ADCY2: variants seen among roughly 807,000 people sequenced by gnomAD.
The protein encoded by ADCY2 is adenylate cyclase 2.
Under a neutral mutation model 125.2 loss-of-function variants are expected in ADCY2, and 31 were observed. The observed-to-expected ratio is 0.25, with a 90% CI of 0.19 to 0.33. The LOEUF is 0.33. Ranked by LOEUF, ADCY2 falls within the 10% of genes least tolerant of loss-of-function variation. The pLI is 1.00. For synonymous variants in ADCY2, 512 were observed against 548.4 expected (o/e 0.93, Z 0.93); for missense variants, 904 against 1,418.2 (o/e 0.64, Z 5.82).
intron 19 of ADCY2, among the ~76,000 whole-genome samples, chr5:7,788,794 G>A (rs1744162834): frequency 6.6e-6 from 1 of 152,080 alleles, no homozygotes; most frequent in South Asian, 2.1e-4. Context: ...GCTCTTCTTT[G>A]CATTTATTTG....
intron 4 of ADCY2, among the ~76,000 whole-genome samples, chr5:7,649,815 G>A (rs1739024408): frequency 6.6e-6 from 1 of 152,040 alleles, no homozygotes; most frequent in African/African-American, 2.4e-5. Flanking sequence ...AGCTCTTGAT[G>A]GCCTCCTAAA....
chr5:7,583,050 G>A (rs550097744), intron 3 of ADCY2, among the ~76,000 whole-genome samples: 90 of 151,892 alleles, frequency 5.9e-4, no homozygotes, highest in African/African-American at 2.1e-3. Context: ...TTTATATACT[G>A]GTAGGAAAAA....
intron 7 of ADCY2, among the ~76,000 whole-genome samples, chr5:7,703,432 T>C (rs539198685): frequency 1.1e-4 from 16 of 151,872 alleles, no homozygotes; most frequent in Non-Finnish European, 1.8e-4. Context: ...CAGTTTCGGC[T>C]TTCTACATAT....
At chr5:7,783,807 A>G (rs1459924108) in intron 18 of ADCY2, among the ~76,000 whole-genome samples, 1 of 152,202 alleles carries the variant, frequency 6.6e-6, no homozygotes, top group Non-Finnish European at 1.5e-5. Context: ...GTCATTTATT[A>G]TAAACTTGAA....
At chr5:7,473,364 G>C (rs1189880889) in intron 2 of ADCY2, among the ~76,000 whole-genome samples, 1 of 152,104 alleles carries the variant, frequency 6.6e-6, no homozygotes, top group Admixed American at 6.5e-5. Context: ...AGAGAAGCAA[G>C]AGAGAGTGGG....
intron 3 of ADCY2, among the ~76,000 whole-genome samples, chr5:7,539,136 G>T (rs4702476): frequency 0.38 from 57,757 of 151,848 alleles, 12,353 homozygotes; most frequent in Non-Finnish European, 0.48. Flanking sequence ...GTGCTGGGAT[G>T]ACAGGTGTGA....
chr5:7,511,655 T>G (rs1744065440), intron 2 of ADCY2, among the ~76,000 whole-genome samples: 1 of 152,082 alleles, frequency 6.6e-6, no homozygotes, highest in Non-Finnish European at 1.5e-5. Context: ...GGGGATTCTC[T>G]CTGGGGAGGT....
At chr5:7,775,555 T>C (rs1330865769) in intron 18 of ADCY2, among the ~76,000 whole-genome samples, 1 of 151,344 alleles carries the variant, frequency 6.6e-6, no homozygotes, top group East Asian at 2.0e-4. Context: ...CATGCCTGGC[T>C]GATTTTTGTA....
intron 2 of ADCY2, among the ~76,000 whole-genome samples, chr5:7,446,138 A>G (rs532877565): frequency 6.6e-6 from 1 of 152,334 alleles, no homozygotes; most frequent in Non-Finnish European, 1.5e-5. Context: ...ACATAATTAC[A>G]TTCAATGTTA....
At position 7,829,036 on chromosome 5, in the gene ADCY2, A is replaced by T. The variant is rs1364649553; in HGVS notation, c.*2165A>T. 6.6e-6 allele frequency: 1 copy of T among 152,400 alleles called. No homozygotes were observed. The highest frequency in any genetic ancestry group is 2.4e-5 in the African/African-American group (1 of 41,462). 9.4% of individuals were successfully genotyped at this position (152,400 alleles called of 1,614,324 possible). ...CATATCACCAGTCTTACCAAACAAT[A>T]GGCTTTTAAAAGCATTGAGTCATTG... On this transcript the variant is annotated 3_prime_UTR_variant, in exon 25 of 25. Transcript: ENST00000338316.
intron 3 of ADCY2, among the ~76,000 whole-genome samples, chr5:7,606,845 A>T (rs568892576): frequency 1.3e-5 from 2 of 152,082 alleles, no homozygotes; most frequent in Non-Finnish European, 2.9e-5. Context: ...TGTTTTTTTT[A>T]AATATTCCTT....
At chr5:7,651,487 G>A (rs763192991) in intron 4 of ADCY2, among the ~76,000 whole-genome samples, 2 of 152,120 alleles carry the variant, frequency 1.3e-5, no homozygotes, top group South Asian at 2.1e-4. Flanking sequence ...CTTGAAGTCC[G>A]ATGTCCGAGG....
chr5:7,784,600 G>T, intron 19 of ADCY2, 151 bp downstream of exon 19: 1 of 507,162 alleles, frequency 2.0e-6, no homozygotes, highest in Non-Finnish European at 3.4e-6. Flanking sequence ...GTTAGTACAG[G>T]GTGTGGATGC....
intron 3 of ADCY2, among the ~76,000 whole-genome samples, chr5:7,575,677 G>A (rs182950307): frequency 5.3e-5 from 8 of 151,994 alleles, no homozygotes; most frequent in African/African-American, 1.2e-4. Flanking sequence ...TTATATTTAC[G>A]CTTTTGGAAA....
chr5:7,657,390 G>A (rs2126688640), intron 4 of ADCY2, among the ~76,000 whole-genome samples: 1 of 151,682 alleles, frequency 6.6e-6, no homozygotes. Context: ...AGGGCAATGT[G>A]TAGATTAGGG....
chr5:7,508,553 G>T (rs1237885885), intron 2 of ADCY2, among the ~76,000 whole-genome samples: 1 of 152,080 alleles, frequency 6.6e-6, no homozygotes, highest in African/African-American at 2.4e-5. Context: ...AGCTCCAAGA[G>T]GGCTGGCAAA....
Position 7,492,340 on chromosome 5 carries a change from A to G in ADCY2, c.409-28398A>G, listed in dbSNP as rs73046338. 9.1e-4 allele frequency among the ~76,000 whole-genome samples: 139 copies of G among 152,338 alleles called. 2 individuals carry two copies. Among genetic ancestry groups the G allele is most frequent in the Middle Eastern group, 6.8e-3 (2 of 294 alleles). On this transcript the variant is annotated intron_variant, in intron 2 of 24. Coordinates refer to ENST00000338316, the MANE Select transcript of ADCY2 (RefSeq NM_020546.3). Reference sequence around the variant, plus strand: ...ACAGGATGGAATGTTTTGCATTAGCATTGATTAATCATCCAATCTTTTGGG... The same window carrying G: ...ACAGGATGGAATGTTTTGCATTAGCGTTGATTAATCATCCAATCTTTTGGG...
intron 5 of ADCY2, 66 bp downstream of exon 5, chr5:7,690,905 G>A: frequency 1.4e-6 from 2 of 1,422,406 alleles, no homozygotes; most frequent in South Asian, 1.7e-5. Flanking sequence ...TTTTGCCTGG[G>A]ATCTCACACC....
intron 14 of ADCY2, among the ~76,000 whole-genome samples, chr5:7,733,172 A>G (rs1742155017): frequency 1.3e-5 from 2 of 152,212 alleles, no homozygotes; most frequent in South Asian, 4.1e-4. Flanking sequence ...TAGCCCAAGA[A>G]AAACTAAGAA....
Sources: allele counts gnomAD v4.1 joint callset (sites outside exome capture counted in the v4.1 genomes callset), GRCh38; gene constraint gnomAD v4.1.1; transcripts MANE v1.5; gene names NCBI Gene and HGNC (gene_info 2026-07-23, HGNC 2026-07-21).